The following VPS53 variants were observed in gnomAD, a reference collection of about 807,000 sequenced individuals.
The protein encoded by VPS53 is VPS53 subunit of GARP complex.
Under a neutral mutation model 107.0 loss-of-function variants are expected in VPS53, and 70 were observed. The observed-to-expected ratio is 0.65, with a 90% CI of 0.54 to 0.80. The LOEUF is 0.80. VPS53 is among the 30% of genes least tolerant of loss of function. The pLI, the probability that VPS53 is intolerant of heterozygous loss-of-function variation, is 0.00. For missense variants in VPS53, 917 were observed against 1,049.4 expected (o/e 0.87, Z 1.74); for synonymous variants, 409 against 393.3 (o/e 1.04, Z -0.47).
chr17:551,902 G>A lies in VPS53; in HGVS notation c.1836C>T (p.Ala612=). Residue 612 remains alanine (A), a synonymous_variant, in exon 17 of 22, where the codon GCC becomes GCT. Coordinates refer to ENST00000437048, the MANE Select transcript of VPS53 (RefSeq NM_001128159.3). ...TCATGGCAGTCAGGGCAGGATCACA[G>A]GCAGCATCCAGATCCTGAACCAGCA... ...IQLLVQDLDA[A]CDPALTAMSK... is the part of the protein sequence containing the mutation. 6.2e-7 allele frequency: 1 copy of A among 1,605,530 alleles called. No homozygotes were observed. The highest frequency in any genetic ancestry group is 8.5e-7 in the Non-Finnish European group (1 of 1,175,912).
At chr17:607,692 G>T (rs1968650061) in intron 11 of VPS53, among the ~76,000 whole-genome samples, 4 of 152,166 alleles carry the variant, frequency 2.6e-5, no homozygotes. Flanking sequence ...AGAAGTGAAT[G>T]ACTTCCAATT....
chr17:691,641 T>A (rs1029241788), intron 4 of VPS53, among the ~76,000 whole-genome samples: 3 of 152,238 alleles, frequency 2.0e-5, no homozygotes, highest in Non-Finnish European at 2.9e-5. Flanking sequence ...TGCGCCATTC[T>A]GAGTAGTGTG....
chr17:662,751 G>GAAAGAAAGAAAGAA (rs756253727), intron 4 of VPS53, among the ~76,000 whole-genome samples: 3 of 80,010 alleles, frequency 3.7e-5, no homozygotes, highest in Non-Finnish European at 9.5e-5. Flanking sequence ...GACAAAGAAA[G>GAAAGAAAGAAAGAA]AGAAAGAAAG....
rs2151786292 is a variant in VPS53, at chr17:514,826, T to G, written c.*4302A>C. On this transcript the variant is annotated 3_prime_UTR_variant, in exon 22 of 22. Transcript: ENST00000437048. ...GAGGAGCCACCCTAGACATAAGAAA[T>G]CAGGCACCCCTTCTCGGGGGTGGGC... The G allele has an allele frequency of 6.6e-6, 1 of 152,316 alleles. No homozygotes were observed. Among genetic ancestry groups the G allele is most frequent in the South Asian group, 2.1e-4 (1 of 4,810 alleles). 9.4% of individuals were successfully genotyped at this position (152,316 alleles called of 1,614,324 possible). A position where few individuals can be genotyped will look rare whatever the true frequency, so the allele number is the denominator to read the frequency against.
intron 2 of VPS53, among the ~76,000 whole-genome samples, chr17:709,719 G>T (rs1450662294): frequency 6.6e-6 from 1 of 152,116 alleles, no homozygotes; most frequent in Non-Finnish European, 1.5e-5. Context: ...GACTCTCACT[G>T]CCCTTCTCCC....
At chr17:664,605 A>T (rs185167033) in intron 4 of VPS53, among the ~76,000 whole-genome samples, 1 of 152,140 alleles carries the variant, frequency 6.6e-6, no homozygotes, top group African/African-American at 2.4e-5. Context: ...TGAAGGGTCT[A>T]AACAAGGGAC....
In VPS53 at chr17:628,076, G is replaced by A. The variant is rs1969793031; in HGVS notation, c.831+12C>T. On this transcript the variant is annotated intron_variant, in intron 9 of 21. Coordinates refer to ENST00000437048, the MANE Select transcript of VPS53 (RefSeq NM_001128159.3). ...CAAATGTTACATCTGATCTTATTTG[G>A]TCAATACTCACATCTTGGTTTTCTT... The A allele has an allele frequency of 6.2e-7, 1 of 1,607,116 alleles. No homozygotes were observed. Among genetic ancestry groups the A allele is most frequent in the Non-Finnish European group, 8.5e-7 (1 of 1,177,526 alleles).
chr17:620,666 A>G (rs1429811618), intron 11 of VPS53, among the ~76,000 whole-genome samples: 1 of 147,910 alleles, frequency 6.8e-6, no homozygotes, highest in Non-Finnish European at 1.5e-5. Context: ...GGTGTTTCAG[A>G]TTCTACATTC....
At chr17:570,646 C>T (rs1046899308) in intron 13 of VPS53, among the ~76,000 whole-genome samples, 1 of 152,170 alleles carries the variant, frequency 6.6e-6, no homozygotes, top group Non-Finnish European at 1.5e-5. Context: ...CTAAATGCAA[C>T]CTGTGATCCT....
Position 698,817 on chromosome 17 carries a change from G to T in VPS53, c.218+514C>A, listed in dbSNP as rs145330189. ...TATCACAGCTTCCTTCCTTTTGTAT[G>T]AAGAATTGAAGACTGGCCAAAGCAT... is the stretch of plus-strand genomic sequence containing the variant. On this transcript the variant is annotated intron_variant, in intron 3 of 21. Coordinates refer to ENST00000437048, the MANE Select transcript of VPS53 (RefSeq NM_001128159.3). 3.2e-4 allele frequency among the ~76,000 whole-genome samples: 49 copies of T among 152,210 alleles called. 1 individual carries two copies. The East Asian group carries it at 5.8e-3, about 18-fold the overall frequency.
intron 7 of VPS53, among the ~76,000 whole-genome samples, chr17:638,111 C>CAT (rs1970270923): frequency 6.6e-6 from 1 of 152,178 alleles, no homozygotes; most frequent in Non-Finnish European, 1.5e-5. Flanking sequence ...GTATTGGGTG[C>CAT]ATATATATTT....
At chr17:552,096 G>A in intron 16 of VPS53, 146 bp from the exon 17 acceptor site, 1 of 694,728 alleles carries the variant, frequency 1.4e-6, no homozygotes, top group East Asian at 3.3e-5. Context: ...GAACAGCTTG[G>A]CTCTTTCTTC....
chr17:561,263 C>A (rs1172212333), intron 14 of VPS53, among the ~76,000 whole-genome samples: 1 of 152,204 alleles, frequency 6.6e-6, no homozygotes, highest in South Asian at 2.1e-4. Context: ...TTGGGGCAGC[C>A]CCAGCTACTG....
chr17:648,515 C>T (rs1970794525), intron 7 of VPS53, among the ~76,000 whole-genome samples: 1 of 152,328 alleles, frequency 6.6e-6, no homozygotes, highest in East Asian at 1.9e-4. Flanking sequence ...TGTGCCACTG[C>T]ACTCCAGCCT....
At position 532,835 on chromosome 17, in the gene VPS53, A is replaced by G. The variant is rs766975813; in HGVS notation, c.2085+7T>C. 1.2e-6 allele frequency: 2 copies of G among 1,613,924 alleles called. No homozygotes were observed. The highest frequency in any genetic ancestry group is 1.7e-5 in the Admixed American group (1 of 59,994). The stretch of plus-strand genomic sequence containing the variant: ...CAGGCAAATGCCTGATACTACGTCC[A>G]TCTCACCTGTTCTGCTCCCACCATG... On this transcript the variant is annotated splice_region_variant and intron_variant, in intron 19 of 21. Transcript: ENST00000437048.
chr17:708,227 A>G (rs1973493626), intron 2 of VPS53, among the ~76,000 whole-genome samples: 4 of 152,154 alleles, frequency 2.6e-5, no homozygotes. Flanking sequence ...ACCCACTGCT[A>G]TTTATTGTAT....
At chr17:689,438 T>C (rs1009801435) in intron 4 of VPS53, among the ~76,000 whole-genome samples, 1 of 150,528 alleles carries the variant, frequency 6.6e-6, no homozygotes, top group African/African-American at 2.4e-5. Context: ...GCCAAGACTA[T>C]AGGTTTGTGC....
intron 3 of VPS53, among the ~76,000 whole-genome samples, chr17:698,575 C>A (rs933462595): frequency 6.6e-6 from 1 of 151,880 alleles, no homozygotes; most frequent in Non-Finnish European, 1.5e-5. Context: ...TGTGGTGGTG[C>A]GCCTGTAGTC....
intron 17 of VPS53, 129 bp downstream of exon 17, chr17:551,743 G>A (rs1248676087): frequency 2.8e-6 from 2 of 711,468 alleles, no homozygotes; most frequent in Admixed American, 3.5e-5. Context: ...GGAACTCCGG[G>A]GCCTCTCCAT....
Sources: allele counts gnomAD v4.1 joint callset (sites outside exome capture counted in the v4.1 genomes callset), GRCh38; gene constraint gnomAD v4.1.1; transcripts MANE v1.5; gene names NCBI Gene and HGNC (gene_info 2026-07-23, HGNC 2026-07-21).